The following DHX9 variants were observed in gnomAD, a reference collection of about 807,000 sequenced individuals.
DHX9 encodes the protein DExH-box helicase 9.
A neutral mutation model predicts 148.7 loss-of-function variants in DHX9; 27 were observed. The ratio of observed to expected loss-of-function variants is 0.18; its 90% confidence interval spans 0.13 to 0.25. DHX9 has a LOEUF of 0.25. DHX9 is among the 10% of genes least tolerant of loss of function. The probability of loss-of-function intolerance (pLI) is 1.00; values close to 1 mark genes in which losing one functional copy is unlikely to be tolerated. For synonymous variants in DHX9, 529 were observed against 516.6 expected, an observed-to-expected ratio of 1.02 and a Z score of -0.33; for missense variants, 796 against 1,559.6, an observed-to-expected ratio of 0.51 and a Z score of 8.25.
intron 15 of DHX9, 119 bp downstream of exon 15, chr1:182,872,612 T>C: frequency 9.1e-7 from 1 of 1,095,300 alleles, no homozygotes; most frequent in Non-Finnish European, 1.3e-6. Context: ...AATTATAGTA[T>C]CAAATGTATC....
chr1:182,846,351 C>G (rs1316121790), intron 3 of DHX9, among the ~76,000 whole-genome samples: 1 of 152,076 alleles, frequency 6.6e-6, no homozygotes, highest in Non-Finnish European at 1.5e-5. Flanking sequence ...ATTCTCCTGC[C>G]TCAGGCAGGA....
chr1:182,851,976 A>C (rs1668158780), intron 3 of DHX9, among the ~76,000 whole-genome samples: 1 of 152,198 alleles, frequency 6.6e-6, no homozygotes, highest in South Asian at 2.1e-4. Flanking sequence ...GTTTGTGAGG[A>C]GGTAAGTACA....
Position 182,874,847 on chromosome 1 carries a change from C to CT in DHX9, c.1715-6dup. The CT allele has an allele frequency of 6.2e-7, 1 of 1,605,312 alleles. No homozygotes were observed. Among genetic ancestry groups the CT allele is most frequent in the Non-Finnish European group, 8.5e-7 (1 of 1,173,510 alleles). On this transcript the variant is annotated splice_region_variant and splice_polypyrimidine_tract_variant and intron_variant, in intron 15 of 27. Coordinates refer to ENST00000367549, the MANE Select transcript of DHX9 (RefSeq NM_001357.5). ...AGTACTTAACCTGACTGGATTGTCC[C>CT]TGGCAGAATATTTTCTGGAAGACTG...
At position 182,884,730 on chromosome 1, in the gene DHX9, C is replaced by T. The variant is rs749315285; in HGVS notation, c.3378C>T (p.Pro1126=). The T allele has an allele frequency of 7.4e-6, 12 of 1,613,936 alleles. No individual in the cohort carries two copies. Among genetic ancestry groups the T allele is most frequent in the East Asian group, 2.2e-5 (1 of 44,886 alleles). Residue 1126 remains proline, a synonymous_variant, in exon 27 of 28, where the codon CCC becomes CCT. Transcript: ENST00000367549. ...CTGCTATCATCAGCCAGTTGGACCC[C>T]GTAAATGAACGTATGCTGAACATGA... ...KQPAIISQLD[P]VNERMLNMIR...
chr1:182,849,906 GC>G (rs1668100948), intron 3 of DHX9, among the ~76,000 whole-genome samples: 1 of 148,946 alleles, frequency 6.7e-6, no homozygotes, highest in Non-Finnish European at 1.5e-5. Context: ...TTCTCAGTTT[GC>G]CCATTATAAC....
At chr1:182,875,232 A>G (rs766851120) in intron 16 of DHX9, 5 of 480,004 alleles carry the variant, frequency 1.0e-5, no homozygotes, top group African/African-American at 2.0e-5. Flanking sequence ...GGTTAGGGAC[A>G]ATGCTGTTGT....
At chr1:182,852,185 C>G (rs565186031) in intron 3 of DHX9, 48 bp from the exon 4 acceptor site, 1 of 1,267,482 alleles carries the variant, frequency 7.9e-7, no homozygotes. Context: ...TTACTAGTCC[C>G]CGTGAAGGCA....
Position 182,852,291 on chromosome 1 carries a change from A to T in DHX9, c.311A>T (p.Asp104Val), listed in dbSNP as rs757033276. Residue 104 changes from aspartate (D) to valine (V), a missense_variant, in exon 4 of 28, where the codon GAT becomes GTT. Physicochemically the swap from Asp to Val is radical, Grantham distance 152. This residue lies in a region of DHX9 where 89 missense variants were observed against 77.5 expected (regional missense o/e 1.15). Coordinates refer to ENST00000367549, the MANE Select transcript of DHX9 (RefSeq NM_001357.5). ...GACACTACAGCAAATGCTGAAGGAG[A>T]TTTACCAACAACCATGGGAGGACCT... ...TPDTTANAEG[D>V]LPTTMGGPLP... 6.2e-7 allele frequency: 1 copy of T among 1,613,160 alleles called. No homozygotes were observed. Among genetic ancestry groups the T allele is most frequent in the Non-Finnish European group, 8.5e-7 (1 of 1,179,650 alleles).
intron 26 of DHX9, 107 bp downstream of exon 26, chr1:182,883,742 T>G: frequency 3.0e-6 from 2 of 676,378 alleles, no homozygotes; most frequent in Non-Finnish European, 4.9e-6. Context: ...TCTAACTTAA[T>G]TATATACTAT....
chr1:182,864,903 G>A lies in DHX9; in HGVS notation c.1333-1541G>A, dbSNP rs557558522. ...GCTTGAGAAACTGACCATCTCCTGC[G>A]CATATTCAGTTTAGGAGTGATCTGG... On this transcript the variant is annotated intron_variant, in intron 12 of 27. Coordinates refer to ENST00000367549, the MANE Select transcript of DHX9 (RefSeq NM_001357.5). Among the ~76,000 whole-genome samples, 85 of 152,186 alleles carry A rather than the reference G, an allele frequency of 5.6e-4. 4 individuals carry two copies. Among genetic ancestry groups the A allele is most frequent in the Non-Finnish European group, 3.2e-4 (22 of 68,010 alleles).
chr1:182,854,319 C>A, intron 6 of DHX9, 141 bp downstream of exon 6: 1 of 795,650 alleles, frequency 1.3e-6, no homozygotes, highest in Non-Finnish European at 1.8e-6. Flanking sequence ...CGTTAATTTG[C>A]ACAAGAATAA....
At chr1:182,880,199 G>A (rs1205481779) in intron 21 of DHX9, among the ~76,000 whole-genome samples, 1 of 151,998 alleles carries the variant, frequency 6.6e-6, no homozygotes, top group Non-Finnish European at 1.5e-5. Flanking sequence ...GACTTCTTAT[G>A]GCATGTAGAA....
chr1:182,873,094 T>C (rs370890681), intron 15 of DHX9, among the ~76,000 whole-genome samples: 1 of 152,144 alleles, frequency 6.6e-6, no homozygotes, highest in African/African-American at 2.4e-5. Context: ...TACCTGGGAC[T>C]ACAGGCGCAC....
chr1:182,858,938 T>C, intron 10 of DHX9, 44 bp downstream of exon 10: 1 of 1,611,402 alleles, frequency 6.2e-7, no homozygotes, highest in African/African-American at 1.3e-5. Context: ...TGTGTTTTAC[T>C]CTTGAGACTA....
chr1:182,874,029 TTG>T (rs1648659356), intron 15 of DHX9, among the ~76,000 whole-genome samples: 1 of 152,182 alleles, frequency 6.6e-6, no homozygotes, highest in South Asian at 2.1e-4. Context: ...TACAAAATAT[TTG>T]TGTGTCTATA....
chr1:182,859,365 G>T (rs1049734302), intron 11 of DHX9, among the ~76,000 whole-genome samples: 3 of 151,998 alleles, frequency 2.0e-5, no homozygotes, highest in Non-Finnish European at 2.9e-5. Context: ...TTTGTTGTTG[G>T]TTTTTTTGTT....
intron 22 of DHX9, among the ~76,000 whole-genome samples, 158 bp from the exon 23 acceptor site, chr1:182,881,106 A>G (rs1649066434): frequency 6.6e-6 from 1 of 152,236 alleles, no homozygotes; most frequent in Non-Finnish European, 1.5e-5. Flanking sequence ...CTGATTCTGA[A>G]GAGAGCAGCT....
In DHX9 at chr1:182,879,258, C is replaced by T. The variant is rs1270795428; in HGVS notation, c.2360C>T (p.Thr787Ile). Residue 787 changes from threonine (T) to isoleucine (I), a missense_variant, in exon 21 of 28, where the codon ACC becomes ATC. Thr to Ile is a moderately conservative substitution (Grantham distance 89, BLOSUM62 -1). This residue lies in a region of DHX9 where 122 missense variants were observed against 289.3 expected (regional missense o/e 0.42). Transcript: ENST00000367549. Reference protein sequence around the residue: ...CSRARFERLETHMTPEMFRTP... With the variant: ...CSRARFERLEIHMTPEMFRTP... ...TGCTTATTTTCTCTTAGACTTGAAA[C>T]CCACATGACACCAGAGATGTTCCGA... The T allele has an allele frequency of 6.8e-7, 1 of 1,465,844 alleles. No individual in the cohort carries two copies. Among genetic ancestry groups the T allele is most frequent in the East Asian group, 2.4e-5 (1 of 41,644 alleles). 90.8% of individuals were successfully genotyped at this position (1,465,844 alleles called of 1,614,324 possible).
Position 182,876,269 on chromosome 1 carries a change from A to C in DHX9, c.2029+6A>C, listed in dbSNP as rs754935039. 1 of 1,612,654 alleles carries C rather than the reference A, an allele frequency of 6.2e-7. No homozygotes were observed. Among genetic ancestry groups the C allele is most frequent in the Non-Finnish European group, 8.5e-7 (1 of 1,179,284 alleles). On this transcript the variant is annotated splice_donor_region_variant and intron_variant, in intron 17 of 27. Coordinates refer to ENST00000367549, the MANE Select transcript of DHX9 (RefSeq NM_001357.5). ...GGAAATGAATCCACATTTTGGTATG[A>C]GTCTTTGAATTCTCACATATTTGAG...
Sources: gnomAD v4.1 joint callset for allele counts (sites outside exome capture counted in the v4.1 genomes callset) on GRCh38, gnomAD v4.1.1 for gene constraint, gnomAD v4.1.1 regional missense constraint, MANE v1.5 for transcripts, NCBI Gene and HGNC (gene_info 2026-07-23, HGNC 2026-07-21) for gene names.